Variants in CNTN6 observed in about 807,000 individuals in gnomAD.
CNTN6 encodes the protein contactin-6.
In CNTN6, 137 loss-of-function variants were observed where a neutral mutation model predicts 122.8. That is an observed-to-expected ratio of 1.12 (90% CI 0.97 to 1.29). The LOEUF is 1.29. Ranked by LOEUF, CNTN6 falls within the 50% of genes most tolerant of loss-of-function variation. CNTN6 has a pLI of 0.00. For missense variants in CNTN6, 1,634 were observed against 1,223.4 expected, an observed-to-expected ratio of 1.34 and a Z score of -5.01; for synonymous variants, 570 against 426.0, an observed-to-expected ratio of 1.34 and a Z score of -4.16.
chr3:1,323,820 C>T (rs1278029684), intron 8 of CNTN6, among the ~76,000 whole-genome samples: 1 of 151,680 alleles, frequency 6.6e-6, no homozygotes, highest in African/African-American at 2.4e-5. Flanking sequence ...CATGAATTTC[C>T]TACCTAGTTT....
chr3:1,125,314 T>C (rs2092121180), intron 1 of CNTN6, among the ~76,000 whole-genome samples: 1 of 151,936 alleles, frequency 6.6e-6, no homozygotes, highest in South Asian at 2.1e-4. Context: ...ACAGTGTGAA[T>C]TTTTAAAACT....
chr3:1,317,317 C>G (rs759263525), intron 7 of CNTN6, among the ~76,000 whole-genome samples: 1 of 151,696 alleles, frequency 6.6e-6, no homozygotes, highest in Non-Finnish European at 1.5e-5. Flanking sequence ...TCATGTAATT[C>G]AATCACACAG....
chr3:1,135,019 C>T (rs1205198547), intron 1 of CNTN6, among the ~76,000 whole-genome samples: 4 of 151,948 alleles, frequency 2.6e-5, no homozygotes, highest in Admixed American at 6.6e-5. Context: ...AGGTTGGACC[C>T]CCATGCCCCA....
At chr3:1,370,201 T>C (rs1209787195) in intron 12 of CNTN6, among the ~76,000 whole-genome samples, 1 of 152,032 alleles carries the variant, frequency 6.6e-6, no homozygotes, top group African/African-American at 2.4e-5. Flanking sequence ...TATTGGTTTC[T>C]CCTCCATCTC....
At chr3:1,245,140 A>C (rs1328979841) in intron 4 of CNTN6, among the ~76,000 whole-genome samples, 1 of 110 alleles carries the variant, frequency 9.1e-3, no homozygotes, top group Non-Finnish European at 0.022. Flanking sequence ...TTGCAATAGC[A>C]AAATATGGAA....
intron 2 of CNTN6, among the ~76,000 whole-genome samples, chr3:1,155,795 C>T (rs973838261): frequency 9.2e-5 from 10 of 108,776 alleles, no homozygotes; most frequent in African/African-American, 5.2e-4. Flanking sequence ...CATTGCCTCT[C>T]CCCCCAAGAC....
chr3:1,225,408 T>C (rs548063880), intron 3 of CNTN6, among the ~76,000 whole-genome samples: 38 of 152,318 alleles, frequency 2.5e-4, no homozygotes, highest in Non-Finnish European at 2.9e-5. Flanking sequence ...GGGGATACTG[T>C]GAAAAATTCA....
At chr3:1,277,234 T>A (rs182782095) in intron 4 of CNTN6, among the ~76,000 whole-genome samples, 2 of 152,262 alleles carry the variant, frequency 1.3e-5, no homozygotes, top group East Asian at 1.9e-4. Context: ...AATCTTCTGG[T>A]CTTCCCATTA....
chr3:1,297,638 C>CTTTTTTTTTTTTTTTTTT (rs71303106), intron 6 of CNTN6, among the ~76,000 whole-genome samples: 1 of 138,544 alleles, frequency 7.2e-6, no homozygotes, highest in Non-Finnish European at 1.6e-5. Flanking sequence ...TTGTTTTTTT[C>CTTTTTTTTTTTTTTTTTT]TTTTTTTTTT....
chr3:1,295,551 G>A, intron 5 of CNTN6, 50 bp from the exon 6 acceptor site: 2 of 1,498,210 alleles, frequency 1.3e-6, no homozygotes, highest in Non-Finnish European at 9.2e-7. Flanking sequence ...AATGAATGCA[G>A]TAAGGACAGT....
intron 22 of CNTN6, 122 bp downstream of exon 22, chr3:1,402,608 G>T (rs72997758): frequency 4.9e-6 from 4 of 822,130 alleles, no homozygotes; most frequent in Non-Finnish European, 7.3e-6. Context: ...ATTTTCAATT[G>T]TGAGCAAAAG....
chr3:1,249,572 G>T (rs547861848), intron 4 of CNTN6, among the ~76,000 whole-genome samples: 1 of 152,308 alleles, frequency 6.6e-6, no homozygotes, highest in South Asian at 2.1e-4. Context: ...AAATAAGGAA[G>T]AGTCTCCATC....
At position 1,251,393 on chromosome 3, in the gene CNTN6, C is replaced by G. The variant is rs573153581; in HGVS notation, c.358+23400C>G. Among the ~76,000 whole-genome samples, 85 of 152,284 alleles carry G rather than the reference C, an allele frequency of 5.6e-4. 2 individuals carry two copies. Among genetic ancestry groups the G allele is most frequent in the Admixed American group, 6.5e-5 (1 of 15,290 alleles). ...TAATTCACGAATCCTAACAACTACT[C>G]CTGTCCTTCTCCTGCTTCGTCTTGT... is the stretch of plus-strand genomic sequence containing the variant. On this transcript the variant is annotated intron_variant, in intron 4 of 22. Coordinates refer to ENST00000446702, the MANE Select transcript of CNTN6 (RefSeq NM_001289080.2).
At chr3:1,203,102 T>C (rs552845399) in intron 2 of CNTN6, among the ~76,000 whole-genome samples, 5 of 152,198 alleles carry the variant, frequency 3.3e-5, no homozygotes, top group Admixed American at 1.3e-4. Context: ...CAGACAATAA[T>C]TTTAATTTAT....
chr3:1,327,393 T>C lies in CNTN6; in HGVS notation c.1084-64T>C, dbSNP rs1701681933. The C allele has an allele frequency of 1.7e-5, 26 of 1,499,446 alleles. 1 individual carries two copies. The South Asian group carries it at 2.7e-4, about 15-fold the overall frequency. The allele number at this position is 1,499,446 out of a possible 1,614,324, so 92.9% of individuals were successfully genotyped here. A position where few individuals can be genotyped will look rare whatever the true frequency, so the allele number is the denominator to read the frequency against. On this transcript the variant is annotated intron_variant, in intron 9 of 22. Coordinates refer to ENST00000446702, the MANE Select transcript of CNTN6 (RefSeq NM_001289080.2). ...TATACACAAATGTTGTTTAATAACA[T>C]ATCCTGGTTAAGAGAATGCTATATT... is the stretch of plus-strand genomic sequence containing the variant.
In CNTN6 at chr3:1,385,659, A is replaced by AGAG; in HGVS notation, c.2567_2569dup (p.Arg856_Val857insGly). Reference sequence around the variant, plus strand: ...CAAAGAATCCATGATAGGTAAAATTAGAGTCAGTGGAAATGTCACAACCAA... The same window carrying AGAG: ...CAAAGAATCCATGATAGGTAAAATTAGAGGAGTCAGTGGAAATGTCACAACCAA... On this transcript the variant is annotated inframe_insertion, in exon 20 of 23. Transcript: ENST00000446702. 6.2e-7 allele frequency: 1 copy of AGAG among 1,614,104 alleles called. No homozygotes were observed. The highest frequency in any genetic ancestry group is 8.5e-7 in the Non-Finnish European group (1 of 1,179,940).
intron 2 of CNTN6, among the ~76,000 whole-genome samples, chr3:1,189,967 G>A (rs1451185748): frequency 6.6e-6 from 1 of 152,192 alleles, no homozygotes; most frequent in African/African-American, 2.4e-5. Context: ...GTATTAGTCA[G>A]CTCAGTCTGC....
chr3:1,372,089 A>T (rs141210471), intron 12 of CNTN6, among the ~76,000 whole-genome samples: 19 of 152,292 alleles, frequency 1.2e-4, no homozygotes, highest in African/African-American at 4.6e-4. Context: ...AGGTGTGAAT[A>T]TATTTTTAAT....
At chr3:1,174,007 C>A (rs1310447257) in intron 2 of CNTN6, among the ~76,000 whole-genome samples, 1 of 152,164 alleles carries the variant, frequency 6.6e-6, no homozygotes, top group African/African-American at 2.4e-5. Context: ...ACAAAATACA[C>A]TGGAGAAAAC....
Sources: gnomAD v4.1 joint callset for allele counts (sites outside exome capture counted in the v4.1 genomes callset) on GRCh38, gnomAD v4.1.1 for gene constraint, MANE v1.5 for transcripts, NCBI Gene and HGNC (gene_info 2026-07-23, HGNC 2026-07-21) for gene names.